Variants in PIK3R1 observed in about 807,000 individuals in gnomAD.
PIK3R1 encodes the protein phosphatidylinositol 3-kinase regulatory subunit alpha.
A neutral mutation model predicts 98.0 loss-of-function variants in PIK3R1; 29 were observed. That is an observed-to-expected ratio of 0.30 (90% CI 0.22 to 0.40). The LOEUF is 0.40. Among genes scored for constraint, PIK3R1 ranks in the 10% least tolerant of loss-of-function variants. PIK3R1 has a pLI of 1.00. For missense variants in PIK3R1, 596 were observed against 872.7 expected (o/e 0.68, Z 3.99); for synonymous variants, 282 against 311.8 (o/e 0.90, Z 1.01).
intron 1 of PIK3R1, among the ~76,000 whole-genome samples, chr5:68,224,149 G>T (rs1744196812): frequency 6.6e-6 from 1 of 152,194 alleles, no homozygotes; most frequent in Admixed American, 6.5e-5. Flanking sequence ...ACATTGCCTG[G>T]TTTCTAAGCA....
intron 4 of PIK3R1, among the ~76,000 whole-genome samples, chr5:68,277,770 GATA>G (rs933405990): frequency 2.6e-5 from 4 of 152,102 alleles, no homozygotes; most frequent in Non-Finnish European, 5.9e-5. Flanking sequence ...ATGAGGTCTC[GATA>G]ATATTTTGTA....
chr5:68,277,532 G>A (rs144938023), intron 4 of PIK3R1, among the ~76,000 whole-genome samples: 289 of 152,196 alleles, frequency 1.9e-3, no homozygotes, highest in Middle Eastern at 0.01. Flanking sequence ...ACTCACTTTC[G>A]GAACGTCGGC....
At chr5:68,297,130 T>G (rs932270849) in intron 15 of PIK3R1, among the ~76,000 whole-genome samples, 5 of 152,232 alleles carry the variant, frequency 3.3e-5, no homozygotes, top group African/African-American at 1.2e-4. Context: ...TCAGGCATTC[T>G]ATCTAGCATT....
chr5:68,269,465 T>C (rs1412945280), intron 2 of PIK3R1, among the ~76,000 whole-genome samples: 1 of 152,204 alleles, frequency 6.6e-6, no homozygotes, highest in Non-Finnish European at 1.5e-5. Context: ...ATTGATAATA[T>C]TTGCATCTTT....
chr5:68,277,205 C>G (rs1383004687), intron 4 of PIK3R1, among the ~76,000 whole-genome samples: 1 of 152,214 alleles, frequency 6.6e-6, no homozygotes, highest in African/African-American at 2.4e-5. Flanking sequence ...TATGGGAAAC[C>G]AGAAGCACGG....
At chr5:68,289,759 C>CAAAAAAAAAAAAAAAAAAAA in intron 7 of PIK3R1, among the ~76,000 whole-genome samples, 1 of 51,880 alleles carries the variant, frequency 1.9e-5, no homozygotes, top group Non-Finnish European at 3.8e-5. Context: ...GGGGGAAAAG[C>CAAAAAAAAAAAAAAAAAAAA]AAAAAAAAAA....
chr5:68,244,873 A>G (rs1403946401), intron 2 of PIK3R1, among the ~76,000 whole-genome samples: 2 of 152,198 alleles, frequency 1.3e-5, no homozygotes, highest in Non-Finnish European at 2.9e-5. Flanking sequence ...CATGAGTTTT[A>G]TGGACAATTT....
At chr5:68,254,486 A>G (rs1338257476) in intron 2 of PIK3R1, among the ~76,000 whole-genome samples, 1 of 152,226 alleles carries the variant, frequency 6.6e-6, no homozygotes, top group Non-Finnish European at 1.5e-5. Flanking sequence ...GAGAAATCAT[A>G]TTAAGGTATT....
chr5:68,287,044 G>A (rs1448782118), intron 7 of PIK3R1, among the ~76,000 whole-genome samples: 1 of 152,156 alleles, frequency 6.6e-6, no homozygotes, highest in Non-Finnish European at 1.5e-5. Flanking sequence ...CACTTTCATT[G>A]TGGGTTTAAC....
intron 2 of PIK3R1, among the ~76,000 whole-genome samples, chr5:68,236,933 A>C (rs916432015): frequency 6.6e-6 from 1 of 152,266 alleles, no homozygotes; most frequent in Non-Finnish European, 1.5e-5. Context: ...GGGTATGTGC[A>C]TGTAAATGCA....
At chr5:68,243,753 C>A (rs1421817058) in intron 2 of PIK3R1, among the ~76,000 whole-genome samples, 1 of 152,178 alleles carries the variant, frequency 6.6e-6, no homozygotes, top group Non-Finnish European at 1.5e-5. Flanking sequence ...GGATCACGGG[C>A]AGAAACAAGT....
intron 2 of PIK3R1, among the ~76,000 whole-genome samples, chr5:68,272,183 G>A (rs1262853541): frequency 6.7e-6 from 1 of 149,762 alleles, no homozygotes; most frequent in Non-Finnish European, 1.5e-5. Flanking sequence ...AACTCAGGAA[G>A]TTGAGGCTGC....
chr5:68,285,172 G>A (rs1007426402), intron 7 of PIK3R1, among the ~76,000 whole-genome samples: 1 of 152,178 alleles, frequency 6.6e-6, no homozygotes. Flanking sequence ...AAATATTAAT[G>A]TAATATAATT....
intron 7 of PIK3R1, among the ~76,000 whole-genome samples, chr5:68,282,554 A>G (rs1199380820): frequency 6.6e-6 from 1 of 152,220 alleles, no homozygotes; most frequent in East Asian, 1.9e-4. Context: ...TACACAAGGT[A>G]TAGCAGAATC....
At chr5:68,222,997 TACACAC>T (rs575992249) in intron 1 of PIK3R1, among the ~76,000 whole-genome samples, 1 of 151,440 alleles carries the variant, frequency 6.6e-6, no homozygotes, top group East Asian at 1.9e-4. Flanking sequence ...TATAGTTATC[TACACAC>T]ACACACACAT....
Position 68,297,574 on chromosome 5 carries a change from C to T in PIK3R1, c.2148C>T (p.Tyr716=), listed in dbSNP as rs2112293858. 1.2e-6 allele frequency: 2 copies of T among 1,614,118 alleles called. No individual in the cohort carries two copies. ...ACTCCCTCAATGTCACACTAGCCTA[C>T]CCAGTATATGCACAGCAGAGGCGAT... The part of the protein sequence containing the change: ...HNDSLNVTLA[Y]PVYAQQRR The change falls in exon 16 of 16, where the codon TAC becomes TAT. Residue 716 remains tyrosine (Y), a synonymous_variant. Transcript: ENST00000521381.
At chr5:68,288,809 T>C in intron 7 of PIK3R1, 2 of 1,570,952 alleles carry the variant, frequency 1.3e-6, no homozygotes, top group Admixed American at 1.7e-5. Flanking sequence ...TGCCTTTCTG[T>C]AGTTTGTCTT....
At chr5:68,288,786 C>T (rs1747217795) in intron 7 of PIK3R1, 1 of 1,598,090 alleles carries the variant, frequency 6.3e-7, no homozygotes, top group African/African-American at 1.3e-5. Context: ...TTCTCTGTTC[C>T]TTATCTGAGC....
intron 4 of PIK3R1, among the ~76,000 whole-genome samples, chr5:68,274,323 A>G (rs996817423): frequency 1.3e-5 from 2 of 152,170 alleles, no homozygotes; most frequent in African/African-American, 4.8e-5. Context: ...CTGTGTATCT[A>G]CCATCTTTCC....
Sources: allele counts gnomAD v4.1 joint callset (sites outside exome capture counted in the v4.1 genomes callset), GRCh38; gene constraint gnomAD v4.1.1; transcripts MANE v1.5; gene names NCBI Gene and HGNC (gene_info 2026-07-23, HGNC 2026-07-21).